UNC13A: variants seen among roughly 807,000 people sequenced by gnomAD.
The protein encoded by UNC13A is unc-13 homolog A, also known as protein unc-13 homolog A.
A neutral mutation model predicts 219.7 loss-of-function variants in UNC13A; 61 were observed. The ratio of observed to expected loss-of-function variants is 0.28; its 90% CI spans 0.23 to 0.34. The LOEUF (loss-of-function observed/expected upper bound fraction) is 0.34. Ranked by LOEUF, UNC13A falls within the 10% of genes least tolerant of loss-of-function variation. The pLI is 1.00. For synonymous variants in UNC13A, 920 were observed against 884.6 expected, an observed-to-expected ratio of 1.04 and a Z score of -0.71; for missense variants, 1,476 against 2,270.3, an observed-to-expected ratio of 0.65 and a Z score of 7.11.
At chr19:17,613,516 C>T (rs2076626359) in intron 41 of UNC13A, among the ~76,000 whole-genome samples, 1 of 151,952 alleles carries the variant, frequency 6.6e-6, no homozygotes, top group African/African-American at 2.4e-5. Context: ...TGGCCCTTTC[C>T]AATAGGTTAC....
chr19:17,648,972 C>T lies in UNC13A; in HGVS notation c.1536G>A (p.Gln512=). ...LVSDLAMSLV[Q]SRKAGITSAL... Reference sequence around the variant, plus strand: ...CCGAGGTGATGCCCGCTTTCCTGGACTGGACCAGGGACTGGGGAGGTCACA... The same window carrying T: ...CCGAGGTGATGCCCGCTTTCCTGGATTGGACCAGGGACTGGGGAGGTCACA... The change falls in exon 15 of 44, where the codon CAG becomes CAA. Residue 512 remains glutamine (Q), a synonymous_variant. Transcript: ENST00000519716. 1 of 1,603,422 alleles carries T rather than the reference C, an allele frequency of 6.2e-7. No homozygotes were observed. The highest frequency in any genetic ancestry group is 1.1e-5 in the South Asian group (1 of 88,816).
At chr19:17,669,408 T>C in intron 5 of UNC13A, 145 bp downstream of exon 5, 1 of 1,223,764 alleles carries the variant, frequency 8.2e-7, no homozygotes. Flanking sequence ...CCCAAGAAAC[T>C]CTCTCTCCTC....
intron 9 of UNC13A, 58 bp from the exon 10 acceptor site, chr19:17,656,456 C>T: frequency 5.6e-6 from 8 of 1,436,718 alleles, no homozygotes; most frequent in Non-Finnish European, 7.3e-6. Context: ...CCACCTGAGC[C>T]CCAGTCACAC....
rs781001553 is a variant in UNC13A at position 17,609,827 on chromosome 19, C to T, written c.4811+113G>A. Reference sequence around the variant, plus strand: ...CAGCACCCCCACCTAGAATGTGGCCCCTCCCATTCCCGGGCCCAGATTCCA... The same window carrying T: ...CAGCACCCCCACCTAGAATGTGGCCTCTCCCATTCCCGGGCCCAGATTCCA... On this transcript the variant is annotated intron_variant, in intron 43 of 43. Coordinates refer to ENST00000519716, the MANE Select transcript of UNC13A (RefSeq NM_001080421.3). 4.1e-6 allele frequency: 6 copies of T among 1,458,378 alleles called. No homozygotes were observed. In the African/African-American group the frequency reaches 5.6e-5, roughly 14 times the overall value. The allele number at this position is 1,458,378 out of a possible 1,614,324, so 90.3% of individuals were successfully genotyped here.
At chr19:17,680,695 C>T (rs1369780550) in intron 1 of UNC13A, among the ~76,000 whole-genome samples, 2 of 151,920 alleles carry the variant, frequency 1.3e-5, no homozygotes, top group South Asian at 2.1e-4. Flanking sequence ...CCTCCTCTTC[C>T]TCCCTCACCC....
chr19:17,672,282 G>T, intron 4 of UNC13A, 96 bp downstream of exon 4: 1 of 954,200 alleles, frequency 1.0e-6, no homozygotes, highest in Non-Finnish European at 1.6e-6. Flanking sequence ...TGTTGTCAGG[G>T]GATAGGAGAT....
chr19:17,651,527 C>G (rs11668114), intron 12 of UNC13A, among the ~76,000 whole-genome samples: 77,512 of 151,924 alleles, frequency 0.51, 19,940 homozygotes, highest in East Asian at 0.68. Context: ...AGCCTGGCCC[C>G]GAAAAGGTTT....
Position 17,611,808 on chromosome 19 carries a change from G to A in UNC13A, c.4606C>T (p.Leu1536=), listed in dbSNP as rs1189315746. 1.2e-6 allele frequency: 2 copies of A among 1,614,172 alleles called. No individual in the cohort carries two copies. The highest frequency in any genetic ancestry group is 2.2e-5 in the South Asian group (2 of 91,082). ...PVGEVSVHVE[L]FTHPGTGEHK... ...TCCCCAGTTCCTGGATGAGTGAACA[G>A]CTCAACATGGACAGAGACTTCACCC... is the stretch of plus-strand genomic sequence containing the variant. Residue 1536 remains leucine, a synonymous_variant, in exon 42 of 44, where the codon CTG becomes TTG. Transcript: ENST00000519716.
intron 42 of UNC13A, 31 bp downstream of exon 42, chr19:17,611,732 T>C (rs978703411): frequency 2.5e-6 from 4 of 1,598,264 alleles, no homozygotes; most frequent in Non-Finnish European, 3.4e-6. Context: ...TTTTAGAACC[T>C]AGCAAGTCCC....
chr19:17,616,901 A>AG (rs371661427), intron 41 of UNC13A, among the ~76,000 whole-genome samples: 90 of 152,214 alleles, frequency 5.9e-4, no homozygotes, highest in Non-Finnish European at 1.0e-3. Flanking sequence ...AATTTTGAAA[A>AG]GGGGGGGTCC....
In UNC13A at chr19:17,602,344, T is replaced by C. The variant is rs1170662007; in HGVS notation, c.*3710A>G. 6.6e-6 allele frequency: 1 copy of C among 152,432 alleles called. No homozygotes were observed. Among genetic ancestry groups the C allele is most frequent in the Non-Finnish European group, 1.5e-5 (1 of 68,156 alleles). 9.4% of individuals were successfully genotyped at this position (152,432 alleles called of 1,614,324 possible). A position where few individuals can be genotyped will look rare whatever the true frequency, so the allele number is the denominator to read the frequency against. On this transcript the variant is annotated 3_prime_UTR_variant, in exon 44 of 44. Coordinates refer to ENST00000519716, the MANE Select transcript of UNC13A (RefSeq NM_001080421.3). ...GTCTCTCTCCGTCCTCATCGGGGCG[T>C]GATCTCACCCTCTGTCTCTGTGTTT... is the stretch of plus-strand genomic sequence containing the variant.
At chr19:17,607,461 G>GGC (rs1491477959) in intron 43 of UNC13A, among the ~76,000 whole-genome samples, 3 of 57,788 alleles carry the variant, frequency 5.2e-5, no homozygotes, top group African/African-American at 2.1e-4. Context: ...TGGGGGTGGC[G>GGC]GGGGGGGGGG....
At chr19:17,606,465 C>T in intron 43 of UNC13A, 111 bp from the exon 44 acceptor site, 2 of 1,366,078 alleles carry the variant, frequency 1.5e-6, no homozygotes, top group Non-Finnish European at 2.0e-6. Flanking sequence ...GTGCCCACAC[C>T]TGTCACCTCC....
intron 6 of UNC13A, among the ~76,000 whole-genome samples, chr19:17,667,591 A>G (rs1430089884): frequency 6.6e-6 from 1 of 151,888 alleles, no homozygotes; most frequent in Non-Finnish European, 1.5e-5. Context: ...CTCCCACCTC[A>G]GCCTCCCAAG....
At chr19:17,636,238 GT>G in intron 25 of UNC13A, 81 bp from the exon 26 acceptor site, 1 of 1,449,248 alleles carries the variant, frequency 6.9e-7, no homozygotes, top group African/African-American at 1.4e-5. Context: ...AGAACAAGAG[GT>G]TTTAGAGGAA....
At chr19:17,665,002 C>T (rs1470063551) in intron 7 of UNC13A, among the ~76,000 whole-genome samples, 1 of 152,126 alleles carries the variant, frequency 6.6e-6, no homozygotes, top group Non-Finnish European at 1.5e-5. Context: ...AAATTTGAGA[C>T]CAGCCTGGCC....
At chr19:17,675,475 T>TA (rs1277898546) in intron 2 of UNC13A, among the ~76,000 whole-genome samples, 1 of 149,708 alleles carries the variant, frequency 6.7e-6, no homozygotes, top group African/African-American at 2.5e-5. Flanking sequence ...CTACTAAAAA[T>TA]AAAAAAATTA....
intron 34 of UNC13A, among the ~76,000 whole-genome samples, chr19:17,625,968 T>C (rs1263590978): frequency 6.6e-6 from 1 of 150,904 alleles, no homozygotes; most frequent in Non-Finnish European, 1.5e-5. Flanking sequence ...CAGACAGACA[T>C]CTATGCATCA....
chr19:17,665,386 GA>G (rs1713814598), intron 7 of UNC13A, among the ~76,000 whole-genome samples: 1 of 152,144 alleles, frequency 6.6e-6, no homozygotes, highest in African/African-American at 2.4e-5. Context: ...CTCCATCCAT[GA>G]AAAGACCTGG....
Sources: gnomAD v4.1 joint callset for allele counts (sites outside exome capture counted in the v4.1 genomes callset) on GRCh38, gnomAD v4.1.1 for gene constraint, MANE v1.5 for transcripts, NCBI Gene and HGNC (gene_info 2026-07-23, HGNC 2026-07-21) for gene names.